GSE1: variants seen among roughly 807,000 people sequenced by gnomAD.
The protein encoded by GSE1 is Gse1 coiled-coil protein, also known as genetic suppressor element 1.
A neutral mutation model predicts 112.6 loss-of-function variants in GSE1; 32 were observed. That is an observed-to-expected ratio of 0.28 (90% CI 0.21 to 0.38). The LOEUF is 0.38. Ranked by LOEUF, GSE1 falls within the 10% of genes least tolerant of loss-of-function variation. The pLI, the probability that GSE1 is intolerant of heterozygous loss-of-function variation, is 1.00. For missense variants in GSE1, 2,348 were observed against 1,699.2 expected (o/e 1.38, Z -6.71); for synonymous variants, 1,115 against 735.6 (o/e 1.52, Z -8.35).
At chr16:85,455,401 G>GAGAA (rs374047031) in intron 2 of GSE1, among the ~76,000 whole-genome samples, 1 of 144,962 alleles carries the variant, frequency 6.9e-6, no homozygotes, top group African/African-American at 2.9e-5. Flanking sequence ...GAGAGAGAGA[G>GAGAA]AGAAAGAAAG....
chr16:85,234,365 C>A (rs1046771247), intron 1 of GSE1, among the ~76,000 whole-genome samples: 1 of 152,184 alleles, frequency 6.6e-6, no homozygotes, highest in African/African-American at 2.4e-5. Flanking sequence ...GTGGGGATCA[C>A]ATGAGCACCA....
At chr16:85,304,601 C>CGGGGGGGGG (rs1290541396) in intron 1 of GSE1, among the ~76,000 whole-genome samples, 9 of 78,164 alleles carry the variant, frequency 1.2e-4, no homozygotes, top group African/African-American at 3.1e-4. Context: ...AAGCCGGGGG[C>CGGGGGGGGG]GGGGGGGTGG....
intron 1 of GSE1, among the ~76,000 whole-genome samples, chr16:85,582,412 G>C (rs976976640): frequency 6.6e-6 from 1 of 152,240 alleles, no homozygotes; most frequent in African/African-American, 2.4e-5. Context: ...GGAATGCTAA[G>C]TGCAGGAGAG....
intron 1 of GSE1, among the ~76,000 whole-genome samples, chr16:85,221,025 G>A (rs1036314298): frequency 2.0e-5 from 3 of 149,094 alleles, no homozygotes; most frequent in Non-Finnish European, 4.4e-5. Context: ...TGGGGATTCA[G>A]CGTCCTCCGG....
intron 1 of GSE1, among the ~76,000 whole-genome samples, chr16:85,312,499 A>G (rs527426882): frequency 3.4e-4 from 51 of 152,132 alleles, no homozygotes; most frequent in Non-Finnish European, 6.8e-4. Context: ...TTTGTCCCCA[A>G]ATCTCTCTCT....
intron 2 of GSE1, among the ~76,000 whole-genome samples, chr16:85,520,019 G>A (rs2052127170): frequency 6.6e-6 from 1 of 152,178 alleles, no homozygotes; most frequent in African/African-American, 2.4e-5. Flanking sequence ...GGGAGGCCCA[G>A]GACCCTGTCT....
exon 1 of GSE1, chr16:85,171,375 C>A: frequency 2.0e-6 from 2 of 985,650 alleles, no homozygotes; most frequent in South Asian, 4.7e-5. Flanking sequence ...GCCGCTTGGG[C>A]GAGAAGGAGC....
At chr16:85,479,858 G>A (rs143641917) in intron 2 of GSE1, among the ~76,000 whole-genome samples, 1 of 152,278 alleles carries the variant, frequency 6.6e-6, no homozygotes, top group Non-Finnish European at 1.5e-5. Flanking sequence ...TACAGAGTGG[G>A]GAAACTGAGG....
At chr16:85,551,200 TGCCACCACCAG>T (rs1267933770), upstream of GSE1, among the ~76,000 whole-genome samples, 1 of 152,138 alleles carries the variant, frequency 6.6e-6, no homozygotes, top group African/African-American at 2.4e-5. Context: ...CAGAGAGCAT[TGCCACCACCAG>T]GCTTTTCCGG....
At chr16:85,232,018 CAG>C (rs1352657079) in intron 1 of GSE1, among the ~76,000 whole-genome samples, 1 of 152,206 alleles carries the variant, frequency 6.6e-6, no homozygotes, top group Non-Finnish European at 1.5e-5. Context: ...TGCCAGGCCT[CAG>C]GGGACCTGGG....
chr16:85,512,369 C>T (rs1325282707), intron 2 of GSE1, among the ~76,000 whole-genome samples: 1 of 152,160 alleles, frequency 6.6e-6, no homozygotes, highest in Non-Finnish European at 1.5e-5. Flanking sequence ...CGTCTTGCAG[C>T]GAGGCCTGGG....
At chr16:85,561,896 A>G (rs899476066) in intron 1 of GSE1, among the ~76,000 whole-genome samples, 7 of 152,216 alleles carry the variant, frequency 4.6e-5, no homozygotes, top group Non-Finnish European at 7.3e-5. Flanking sequence ...GCAGGGGCTC[A>G]GGCCCACCTG....
At chr16:85,526,786 G>A (rs752364207) in intron 2 of GSE1, among the ~76,000 whole-genome samples, 3 of 152,182 alleles carry the variant, frequency 2.0e-5, no homozygotes, top group Non-Finnish European at 4.4e-5. Flanking sequence ...TCTTACAGGC[G>A]ACCAGAGCCG....
At chr16:85,668,728 G>A (rs756257838) in intron 14 of GSE1, among the ~76,000 whole-genome samples, 7 of 152,332 alleles carry the variant, frequency 4.6e-5, no homozygotes, top group South Asian at 2.1e-4. Flanking sequence ...CCTCAGCTTC[G>A]TGTAAGGGTC....
At chr16:85,571,831 A>C (rs1003356078) in intron 1 of GSE1, among the ~76,000 whole-genome samples, 5 of 152,076 alleles carry the variant, frequency 3.3e-5, no homozygotes, top group Non-Finnish European at 7.4e-5. Context: ...GCAGCAAGGG[A>C]CATGTTTGGA....
intron 2 of GSE1, among the ~76,000 whole-genome samples, chr16:85,398,257 G>C (rs886584647): frequency 6.6e-6 from 1 of 152,194 alleles, no homozygotes; most frequent in Non-Finnish European, 1.5e-5. Flanking sequence ...CGTCTTTGGG[G>C]AAGTGGAGAA....
intron 2 of GSE1, among the ~76,000 whole-genome samples, chr16:85,508,018 G>A (rs758433720): frequency 4.6e-5 from 7 of 152,054 alleles, no homozygotes; most frequent in South Asian, 2.1e-4. Context: ...CCAGTGCCCC[G>A]ACTTCTAACT....
chr16:85,657,677 CCT>C, intron 8 of GSE1, 73 bp downstream of exon 8: 3 of 1,030,678 alleles, frequency 2.9e-6, no homozygotes, highest in Non-Finnish European at 4.0e-6. Flanking sequence ...TTGAGCACCT[CCT>C]GTTTGCCCAA....
At chr16:85,207,451 T>C (rs2075138855) in intron 1 of GSE1, among the ~76,000 whole-genome samples, 1 of 152,204 alleles carries the variant, frequency 6.6e-6, no homozygotes. Context: ...GCAGTGGACA[T>C]GACAGATGCA....
Sources: gnomAD v4.1 joint callset for allele counts (sites outside exome capture counted in the v4.1 genomes callset) on GRCh38, gnomAD v4.1.1 for gene constraint, MANE v1.5 for transcripts, NCBI Gene and HGNC (gene_info 2026-07-23, HGNC 2026-07-21) for gene names.